CLVS1: variants seen among roughly 807,000 people sequenced by gnomAD.
CLVS1 encodes clavesin 1.
Under a neutral mutation model 33.1 loss-of-function variants are expected in CLVS1, and 10 were observed. The observed-to-expected ratio is 0.30, with a 90% CI of 0.19 to 0.51. The LOEUF is 0.51. Ranked by LOEUF, CLVS1 falls within the 20% of genes least tolerant of loss-of-function variation. CLVS1 has a pLI of 0.97. For missense variants in CLVS1, 343 were observed against 433.4 expected (o/e 0.79, Z 1.85); for synonymous variants, 163 against 166.1 (o/e 0.98, Z 0.14).
At chr8:60,968,360 C>T in the CLVS1 span, among the ~76,000 whole-genome samples, 10 of 151,714 alleles carry the variant, frequency 6.6e-5, no homozygotes, top group Non-Finnish European at 1.3e-4. Flanking sequence ...TACTAAAATA[C>T]AAAAAATTAG....
intron 2 of CLVS1, among the ~76,000 whole-genome samples, chr8:61,376,045 T>C (rs1007858605): frequency 2.0e-5 from 3 of 152,236 alleles, no homozygotes; most frequent in Non-Finnish European, 2.9e-5. Context: ...ACTTCCTGTT[T>C]TATTTTTCTC....
intron 1 of CLVS1, among the ~76,000 whole-genome samples, chr8:61,121,239 C>T (rs981886160): frequency 9.9e-5 from 15 of 152,226 alleles, no homozygotes; most frequent in African/African-American, 2.9e-4. Flanking sequence ...GGCTCGCTCA[C>T]GGTGCGCGCA....
chr8:61,030,012 G>T, the CLVS1 span, among the ~76,000 whole-genome samples: 2 of 152,172 alleles, frequency 1.3e-5, no homozygotes, highest in Non-Finnish European at 2.9e-5. Flanking sequence ...AGAGTCCCAG[G>T]CGCCACTGGA....
At chr8:61,398,108 T>C (rs1330025451) in intron 3 of CLVS1, among the ~76,000 whole-genome samples, 2 of 152,120 alleles carry the variant, frequency 1.3e-5, no homozygotes, top group East Asian at 3.9e-4. Context: ...CATCTTAATA[T>C]TAAGTCTTTC....
At chr8:61,021,891 C>A in the CLVS1 span, among the ~76,000 whole-genome samples, 3 of 152,036 alleles carry the variant, frequency 2.0e-5, no homozygotes, top group African/African-American at 7.3e-5. Flanking sequence ...TTCTTACTGG[C>A]CCCTACCCCC....
chr8:61,323,093 A>G (rs1253397225), intron 2 of CLVS1, among the ~76,000 whole-genome samples: 1 of 151,998 alleles, frequency 6.6e-6, no homozygotes, highest in African/African-American at 2.4e-5. Flanking sequence ...CCTATTTCTT[A>G]TGATTCTGTA....
chr8:61,028,310 A>C, the CLVS1 span, among the ~76,000 whole-genome samples: 2 of 152,250 alleles, frequency 1.3e-5, no homozygotes, highest in South Asian at 2.1e-4. Flanking sequence ...GGATCCGAGT[A>C]ATATGAATTG....
chr8:61,231,824 C>T (rs925303441), intron 2 of CLVS1, among the ~76,000 whole-genome samples: 3 of 152,042 alleles, frequency 2.0e-5, no homozygotes, highest in Non-Finnish European at 4.4e-5. Flanking sequence ...CAGTAGGGAC[C>T]CATCCCTAGC....
chr8:60,975,619 C>T, the CLVS1 span, among the ~76,000 whole-genome samples: 4 of 152,142 alleles, frequency 2.6e-5, no homozygotes, highest in South Asian at 4.1e-4. Context: ...CATGGCCCTG[C>T]TGACACCTTA....
At chr8:61,486,384 A>G (rs1333656713) in intron 5 of CLVS1, among the ~76,000 whole-genome samples, 26 of 152,226 alleles carry the variant, frequency 1.7e-4, no homozygotes, top group Admixed American at 1.7e-3. Flanking sequence ...ACAAGAACTC[A>G]TCTAGTTAGT....
the CLVS1 span, among the ~76,000 whole-genome samples, chr8:61,034,133 C>G: frequency 2.0e-5 from 3 of 152,192 alleles, no homozygotes; most frequent in African/African-American, 7.2e-5. Flanking sequence ...GAAGCCAGCA[C>G]GTCCTTTTCT....
chr8:61,110,791 C>G (rs1179391383), intron 1 of CLVS1, among the ~76,000 whole-genome samples: 1 of 152,192 alleles, frequency 6.6e-6, no homozygotes, highest in Non-Finnish European at 1.5e-5. Flanking sequence ...TAGAATCATA[C>G]AGTATTAGTC....
At chr8:61,441,093 AAG>A (rs1203551225) in intron 3 of CLVS1, among the ~76,000 whole-genome samples, 29 of 152,226 alleles carry the variant, frequency 1.9e-4, no homozygotes, top group African/African-American at 6.8e-4. Flanking sequence ...GTATTCTTAG[AAG>A]ACTCTTTTGC....
In CLVS1 at chr8:61,081,899, C is replaced by T. The variant is rs1805025893; in HGVS notation, c.-243+24669C>T. 2.6e-5 allele frequency among the ~76,000 whole-genome samples: 4 copies of T among 152,274 alleles called. No homozygotes were observed. The South Asian group carries it at 8.3e-4, about 32-fold the overall frequency. ...TTGGGTTCCTTTTACCCAGTACATC[C>T]CATTCAGCTTTCAATAAAAAATTAC... On this transcript the variant is annotated intron_variant, in intron 1 of 2. Coordinates refer to the CLVS1 transcript ENST00000522621.
intron 2 of CLVS1, among the ~76,000 whole-genome samples, chr8:61,274,684 A>C (rs1809529495): frequency 6.6e-6 from 1 of 152,214 alleles, no homozygotes; most frequent in Non-Finnish European, 1.5e-5. Flanking sequence ...ACATCATGGC[A>C]AAGGAGCACA....
intron 2 of CLVS1, among the ~76,000 whole-genome samples, chr8:61,260,050 C>T (rs1195370958): frequency 6.6e-6 from 1 of 152,186 alleles, no homozygotes; most frequent in Non-Finnish European, 1.5e-5. Context: ...CTGATTTCTC[C>T]CCCTTTGCTT....
intron 1 of CLVS1, among the ~76,000 whole-genome samples, chr8:61,109,843 C>G (rs1805596027): frequency 6.6e-6 from 1 of 152,134 alleles, no homozygotes; most frequent in Admixed American, 6.5e-5. Context: ...ACTCTCAGCT[C>G]CCTCACTGTG....
chr8:61,414,263 C>T lies in CLVS1; in HGVS notation c.630+37484C>T, dbSNP rs116534195. On this transcript the variant is annotated intron_variant, in intron 3 of 5. Coordinates refer to ENST00000325897, the MANE Select transcript of CLVS1 (RefSeq NM_173519.3). Reference sequence around the variant, plus strand: ...GAAATTCTGAGAATGGAATGCATAACGTGAGAGTTGGTGTGATTAGAATTA... The same window carrying T: ...GAAATTCTGAGAATGGAATGCATAATGTGAGAGTTGGTGTGATTAGAATTA... Among the ~76,000 whole-genome samples, 179 of 152,176 alleles carry T rather than the reference C, an allele frequency of 1.2e-3. 2 individuals carry two copies. The highest frequency in any genetic ancestry group is 4.1e-3 in the African/African-American group (172 of 41,538).
intron 2 of CLVS1, among the ~76,000 whole-genome samples, chr8:61,322,349 C>T (rs1189047212): frequency 1.3e-5 from 2 of 152,118 alleles, no homozygotes; most frequent in Non-Finnish European, 2.9e-5. Context: ...TTCTGATAGA[C>T]ATAAGAAAGG....
Sources: gnomAD v4.1 joint callset for allele counts (sites outside exome capture counted in the v4.1 genomes callset) on GRCh38, gnomAD v4.1.1 for gene constraint, MANE v1.5 for transcripts, NCBI Gene and HGNC (gene_info 2026-07-23, HGNC 2026-07-21) for gene names.